The following GRIP1 variants were observed in gnomAD, a reference collection of about 807,000 sequenced individuals.
The protein encoded by GRIP1 is glutamate receptor interacting protein 1.
GRIP1 carries 45 observed loss-of-function variants against 129.9 expected under a neutral mutation model. The ratio of observed to expected loss-of-function variants is 0.35; its 90% CI spans 0.27 to 0.44. GRIP1 has a LOEUF of 0.44. GRIP1 is among the 20% of genes least tolerant of loss of function. The pLI, the probability that GRIP1 is intolerant of heterozygous loss-of-function variation, is 1.00. For missense variants in GRIP1, 1,196 were observed against 1,396.8 expected, an observed-to-expected ratio of 0.86 and a Z score of 2.29; for synonymous variants, 530 against 520.8, an observed-to-expected ratio of 1.02 and a Z score of -0.24.
At chr12:66,942,575 C>T (rs1404014479) in intron 1 of GRIP1, among the ~76,000 whole-genome samples, 1 of 152,204 alleles carries the variant, frequency 6.6e-6, no homozygotes, top group East Asian at 1.9e-4. Flanking sequence ...TCACACCTGG[C>T]ATCCTTCATT....
intron 1 of GRIP1, among the ~76,000 whole-genome samples, chr12:66,747,019 G>A (rs951376365): frequency 2.6e-5 from 4 of 152,130 alleles, no homozygotes; most frequent in African/African-American, 9.7e-5. Context: ...ATGAGAGGTT[G>A]AGCTGATTAG....
At chr12:66,994,862 T>A (rs1368575010) in intron 1 of GRIP1, among the ~76,000 whole-genome samples, 1 of 152,002 alleles carries the variant, frequency 6.6e-6, no homozygotes, top group Non-Finnish European at 1.5e-5. Flanking sequence ...TATATGGAAT[T>A]TCAAGGGACT....
At chr12:66,968,672 G>A (rs899258077) in intron 1 of GRIP1, among the ~76,000 whole-genome samples, 1 of 151,994 alleles carries the variant, frequency 6.6e-6, no homozygotes, top group African/African-American at 2.4e-5. Context: ...TTATGACATT[G>A]TTGTCATTCA....
chr12:66,756,429 G>T (rs931446724), intron 1 of GRIP1, among the ~76,000 whole-genome samples: 9 of 152,212 alleles, frequency 5.9e-5, no homozygotes, highest in Admixed American at 3.3e-4. Flanking sequence ...GTATAACTGA[G>T]CATTAACTCA....
chr12:66,420,321 G>A (rs1014155089), intron 15 of GRIP1, among the ~76,000 whole-genome samples: 2 of 151,592 alleles, frequency 1.3e-5, no homozygotes, highest in African/African-American at 4.9e-5. Context: ...CAAGAATCTT[G>A]CTTGCCCAGA....
At chr12:66,652,395 T>C (rs1343030097) in intron 1 of GRIP1, among the ~76,000 whole-genome samples, 1 of 152,180 alleles carries the variant, frequency 6.6e-6, no homozygotes, top group African/African-American at 2.4e-5. Flanking sequence ...TCTGCCATGA[T>C]TGTAAGTTTC....
chr12:66,910,261 C>T (rs999110989), intron 1 of GRIP1, among the ~76,000 whole-genome samples: 1 of 152,192 alleles, frequency 6.6e-6, no homozygotes, highest in Admixed American at 6.5e-5. Flanking sequence ...AGTTGTCATT[C>T]TCTCTCTGCC....
upstream of GRIP1, among the ~76,000 whole-genome samples, chr12:66,682,068 T>C (rs189188605): frequency 1.3e-5 from 2 of 152,280 alleles, no homozygotes; most frequent in African/African-American, 2.4e-5. Flanking sequence ...GAAAGAACCA[T>C]AGCTTCTCAC....
In GRIP1 at chr12:67,030,521, T is replaced by C. The variant is rs1267170574; in HGVS notation, c.58+38529A>G. Among the ~76,000 whole-genome samples the C allele has an allele frequency of 3.9e-5, 6 of 152,234 alleles. No homozygotes were observed. In the South Asian group the frequency reaches 1.2e-3, roughly 32 times the overall value. On this transcript the variant is annotated intron_variant, in intron 1 of 1. Coordinates refer to the GRIP1 transcript ENST00000643019. ...ATAGAAAAAAGTTTCCAATCTGGAA[T>C]TGTACTTTTAAAGTATTGTTTTCTC...
intron 7 of GRIP1, among the ~76,000 whole-genome samples, chr12:66,466,685 C>G (rs567150421): frequency 5.3e-5 from 8 of 152,250 alleles, no homozygotes; most frequent in Non-Finnish European, 1.0e-4. Context: ...AACCAATGAA[C>G]AAAGCACTTT....
intron 1 of GRIP1, among the ~76,000 whole-genome samples, chr12:66,772,606 C>T (rs969223259): frequency 1.3e-5 from 2 of 152,144 alleles, no homozygotes; most frequent in African/African-American, 4.8e-5. Flanking sequence ...TACTAAAAGA[C>T]TTGATCTGAA....
Position 66,857,327 on chromosome 12 carries a change from C to G in GRIP1, c.58+211723G>C, listed in dbSNP as rs912069643. ...AAACCTGCACGTTGTGCACATGTACCCTAAAAGTATAATAATAATAAAAAA... is the reference window on the plus strand; with the variant it reads ...AAACCTGCACGTTGTGCACATGTACGCTAAAAGTATAATAATAATAAAAAA... On this transcript the variant is annotated intron_variant, in intron 1 of 1. Coordinates refer to the GRIP1 transcript ENST00000643019. Among the ~76,000 whole-genome samples, 44 of 151,662 alleles carry G rather than the reference C, an allele frequency of 2.9e-4. 1 individual carries two copies. Among genetic ancestry groups the G allele is most frequent in the Admixed American group, 2.7e-3 (41 of 15,206 alleles).
At chr12:66,570,475 T>C (rs2062923926) in intron 2 of GRIP1, among the ~76,000 whole-genome samples, 1 of 152,190 alleles carries the variant, frequency 6.6e-6, no homozygotes, top group Non-Finnish European at 1.5e-5. Flanking sequence ...CTAGGTCCCA[T>C]CTTCAGTTAT....
Position 66,608,867 on chromosome 12 carries a change from C to T in GRIP1, c.56-11940G>A, listed in dbSNP as rs141160038. Among the ~76,000 whole-genome samples, 668 of 151,872 alleles carry T rather than the reference C, an allele frequency of 4.4e-3. 4 individuals carry two copies. The highest frequency in any genetic ancestry group is 0.015 in the African/African-American group (641 of 41,390). ...AGAAGTGGTGGCTCTATTCCTTTATCTGGAATAGATGAGGAAGCTGAGTGA... is the reference window on the plus strand; with the variant it reads ...AGAAGTGGTGGCTCTATTCCTTTATTTGGAATAGATGAGGAAGCTGAGTGA... On this transcript the variant is annotated intron_variant, in intron 1 of 24. Coordinates refer to ENST00000359742, the MANE Select transcript of GRIP1 (RefSeq NM_001366722.1).
At chr12:66,943,513 T>C (rs1394049166) in intron 1 of GRIP1, among the ~76,000 whole-genome samples, 1 of 152,202 alleles carries the variant, frequency 6.6e-6, no homozygotes, top group East Asian at 1.9e-4. Flanking sequence ...GCATTAAAAA[T>C]ACAGTTTCAT....
chr12:66,473,249 A>T (rs1223314174), intron 7 of GRIP1, among the ~76,000 whole-genome samples: 1 of 152,170 alleles, frequency 6.6e-6, no homozygotes, highest in Non-Finnish European at 1.5e-5. Context: ...AGCTCGGCAA[A>T]GCTGCTGTGG....
chr12:66,719,025 T>C (rs1387649569), intron 1 of GRIP1, among the ~76,000 whole-genome samples: 4 of 152,160 alleles, frequency 2.6e-5, no homozygotes, highest in Middle Eastern at 3.4e-3. Flanking sequence ...AACTAAGAAA[T>C]TTTTTAGAAT....
intron 1 of GRIP1, among the ~76,000 whole-genome samples, chr12:66,828,689 C>T (rs572236960): frequency 6.6e-6 from 1 of 152,074 alleles, no homozygotes; most frequent in Non-Finnish European, 1.5e-5. Flanking sequence ...TAACACCTTC[C>T]CTTCAAAATT....
chr12:66,934,337 C>G (rs1300761861), intron 1 of GRIP1, among the ~76,000 whole-genome samples: 5 of 152,208 alleles, frequency 3.3e-5, no homozygotes, highest in African/African-American at 9.7e-5. Flanking sequence ...CAGACATTAT[C>G]TCCTCCAAGA....
Sources: gnomAD v4.1 joint callset for allele counts (sites outside exome capture counted in the v4.1 genomes callset) on GRCh38, gnomAD v4.1.1 for gene constraint, MANE v1.5 for transcripts, NCBI Gene and HGNC (gene_info 2026-07-23, HGNC 2026-07-21) for gene names.